LUZP2: variants seen among roughly 807,000 people sequenced by gnomAD.
LUZP2 encodes leucine zipper protein 2.
A neutral mutation model predicts 51.6 loss-of-function variants in LUZP2; 52 were observed. The ratio of observed to expected loss-of-function variants is 1.01; its 90% CI spans 0.81 to 1.27. The LOEUF (loss-of-function observed/expected upper bound fraction) is 1.27, where lower values mean the gene tolerates loss of function less well. LUZP2 is among the 50% of genes most tolerant of loss of function. The probability of loss-of-function intolerance (pLI) is 0.00; values close to 1 mark genes in which losing one functional copy is unlikely to be tolerated. For synonymous variants in LUZP2, 154 were observed against 137.3 expected (o/e 1.12, Z -0.85); for missense variants, 436 against 395.4 (o/e 1.10, Z -0.87).
intron 5 of LUZP2, among the ~76,000 whole-genome samples, chr11:24,803,781 A>G (rs1849766250): frequency 6.6e-6 from 1 of 152,130 alleles, no homozygotes; most frequent in Non-Finnish European, 1.5e-5. Context: ...ACTAAATTAA[A>G]CAATATATAT....
rs200093976 is a variant in LUZP2 at position 24,761,803 on chromosome 11, G to C, written c.334-1443G>C. Among the ~76,000 whole-genome samples, 820 of 152,042 alleles carry C rather than the reference G, an allele frequency of 5.4e-3. 2 individuals are homozygous for C. Among genetic ancestry groups the C allele is most frequent in the Non-Finnish European group, 8.5e-3 (579 of 67,990 alleles). Reference sequence around the variant, plus strand: ...AATAAATACAAATAAATCTCATAAAGTTGATTTTCTCATAATTTAGGCAAA... The same window carrying C: ...AATAAATACAAATAAATCTCATAAACTTGATTTTCTCATAATTTAGGCAAA... On this transcript the variant is annotated intron_variant, in intron 4 of 11. Coordinates refer to ENST00000336930, the MANE Select transcript of LUZP2 (RefSeq NM_001009909.4).
At chr11:25,054,617 T>C (rs1340617906) in intron 10 of LUZP2, among the ~76,000 whole-genome samples, 1 of 152,160 alleles carries the variant, frequency 6.6e-6, no homozygotes, top group African/African-American at 2.4e-5. Flanking sequence ...AGTATCTTTG[T>C]CAAAAAATAA....
intron 1 of LUZP2, among the ~76,000 whole-genome samples, chr11:24,537,536 A>G (rs1464643778): frequency 6.6e-6 from 1 of 151,936 alleles, no homozygotes; most frequent in Non-Finnish European, 1.5e-5. Flanking sequence ...TGTACGTGCT[A>G]TATTTAAATA....
chr11:24,757,191 C>T (rs1395260367), intron 4 of LUZP2, among the ~76,000 whole-genome samples: 1 of 152,034 alleles, frequency 6.6e-6, no homozygotes, highest in Non-Finnish European at 1.5e-5. Flanking sequence ...TAAGAAATCA[C>T]CGACAAACTG....
chr11:24,581,409 G>A (rs964883042), intron 1 of LUZP2, among the ~76,000 whole-genome samples: 10 of 152,188 alleles, frequency 6.6e-5, no homozygotes, highest in South Asian at 2.1e-4. Flanking sequence ...GGTGGCTTAC[G>A]CCTGTAATCC....
intron 1 of LUZP2, among the ~76,000 whole-genome samples, chr11:24,663,894 C>T (rs1190383348): frequency 6.6e-6 from 1 of 152,130 alleles, no homozygotes; most frequent in Non-Finnish European, 1.5e-5. Flanking sequence ...TTCTTTACCA[C>T]CATGATTGTA....
chr11:24,821,498 C>T (rs1025225481), intron 5 of LUZP2, among the ~76,000 whole-genome samples: 1 of 152,030 alleles, frequency 6.6e-6, no homozygotes, highest in Non-Finnish European at 1.5e-5. Context: ...TGATACTGAG[C>T]TTTATATTAC....
rs1333988540 is a variant in LUZP2 at position 24,926,347 on chromosome 11, A to G, written c.522+11809A>G. 1.3e-4 allele frequency among the ~76,000 whole-genome samples: 13 copies of G among 101,532 alleles called. 2 individuals carry two copies. The highest frequency in any genetic ancestry group is 2.0e-4 in the African/African-American group (5 of 24,638). 66.6% of individuals were successfully genotyped at this position (101,532 alleles called of 152,430 possible). On this transcript the variant is annotated intron_variant, in intron 7 of 11. Coordinates refer to ENST00000336930, the MANE Select transcript of LUZP2 (RefSeq NM_001009909.4). ...TGTGTGTATATATATATACGTGTGT[A>G]TATATATACGTGTGTATATATATAT... is the stretch of plus-strand genomic sequence containing the variant.
chr11:24,792,538 A>T (rs1849436985), intron 5 of LUZP2, among the ~76,000 whole-genome samples: 1 of 152,088 alleles, frequency 6.6e-6, no homozygotes, highest in African/African-American at 2.4e-5. Flanking sequence ...TTATATTACC[A>T]CATATCTTTA....
intron 11 of LUZP2, among the ~76,000 whole-genome samples, chr11:25,078,017 A>G (rs892559481): frequency 4.6e-5 from 7 of 152,174 alleles, no homozygotes; most frequent in African/African-American, 1.7e-4. Context: ...AAACAAAACA[A>G]AAATAAACAG....
At chr11:24,892,532 T>A (rs1350742350) in intron 5 of LUZP2, 1 of 551,392 alleles carries the variant, frequency 1.8e-6, no homozygotes, top group Non-Finnish European at 2.3e-6. Context: ...TTTGTTAATG[T>A]TTCTATTCTC....
chr11:24,707,307 C>CGTGTGT (rs58713202), intron 1 of LUZP2, among the ~76,000 whole-genome samples: 88 of 147,618 alleles, frequency 6.0e-4, no homozygotes, highest in African/African-American at 2.1e-3. Context: ...TCTGTGTGTG[C>CGTGTGT]GTGTGTGTGT....
intron 1 of LUZP2, among the ~76,000 whole-genome samples, chr11:24,650,259 A>C (rs1855587102): frequency 6.6e-6 from 1 of 152,030 alleles, no homozygotes; most frequent in Non-Finnish European, 1.5e-5. Flanking sequence ...AAATATCTAT[A>C]GTGTTATTTT....
intron 1 of LUZP2, among the ~76,000 whole-genome samples, chr11:24,613,047 C>A (rs1005271422): frequency 1.3e-5 from 2 of 152,088 alleles, no homozygotes; most frequent in African/African-American, 2.4e-5. Context: ...TAGAATTTCA[C>A]AATAAACATT....
intron 9 of LUZP2, among the ~76,000 whole-genome samples, chr11:25,018,800 GT>G (rs746681039): frequency 4.0e-5 from 6 of 151,788 alleles, no homozygotes; most frequent in Non-Finnish European, 5.9e-5. Context: ...TAGAGGTGGG[GT>G]TTTGCCATGT....
intron 1 of LUZP2, among the ~76,000 whole-genome samples, chr11:24,571,193 A>C (rs1852429703): frequency 6.7e-6 from 1 of 149,950 alleles, no homozygotes; most frequent in Non-Finnish European, 1.5e-5. Flanking sequence ...GGTGATGCAG[A>C]GGAGATGAAA....
intron 4 of LUZP2, among the ~76,000 whole-genome samples, chr11:24,755,964 G>T (rs1859758509): frequency 6.6e-6 from 1 of 151,986 alleles, no homozygotes; most frequent in African/African-American, 2.4e-5. Context: ...TGCGAGCCTG[G>T]CACATTTTAA....
chr11:24,698,301 T>C (rs1179217645), intron 1 of LUZP2, among the ~76,000 whole-genome samples: 1 of 152,222 alleles, frequency 6.6e-6, no homozygotes, highest in African/African-American at 2.4e-5. Flanking sequence ...ATTAATGCAG[T>C]ATTTTTACAT....
intron 9 of LUZP2, among the ~76,000 whole-genome samples, chr11:25,022,843 G>C (rs1357292981): frequency 6.6e-6 from 1 of 152,080 alleles, no homozygotes; most frequent in Non-Finnish European, 1.5e-5. Flanking sequence ...AGTTTATTGA[G>C]AGTTTCTGGC....
Sources: gnomAD v4.1 joint callset for allele counts (sites outside exome capture counted in the v4.1 genomes callset) on GRCh38, gnomAD v4.1.1 for gene constraint, MANE v1.5 for transcripts, NCBI Gene and HGNC (gene_info 2026-07-23, HGNC 2026-07-21) for gene names.